The following PLEKHG1 variants were observed in gnomAD, a reference collection of about 807,000 sequenced individuals.
The protein encoded by PLEKHG1 is pleckstrin homology domain-containing family G member 1.
PLEKHG1 carries 44 observed loss-of-function variants against 100.8 expected under a neutral mutation model. The observed-to-expected ratio is 0.44, with a 90% CI of 0.34 to 0.56. The LOEUF (loss-of-function observed/expected upper bound fraction) is 0.56, where lower values mean the gene tolerates loss of function less well. Ranked by LOEUF, PLEKHG1 falls within the 20% of genes least tolerant of loss-of-function variation. PLEKHG1 has a pLI of 0.01. For missense variants in PLEKHG1, 1,545 were observed against 1,720.9 expected (o/e 0.90, Z 1.81); for synonymous variants, 640 against 662.5 (o/e 0.97, Z 0.52).
intron 11 of PLEKHG1, among the ~76,000 whole-genome samples, chr6:150,819,253 A>G (rs901041525): frequency 6.6e-6 from 1 of 151,770 alleles, no homozygotes; most frequent in African/African-American, 2.4e-5. Flanking sequence ...GATCATATCC[A>G]TGTCAGATGA....
intron 2 of PLEKHG1, among the ~76,000 whole-genome samples, chr6:150,751,468 C>T (rs1353945348): frequency 6.6e-6 from 1 of 152,258 alleles, no homozygotes; most frequent in African/African-American, 2.4e-5. Context: ...TGATGACTAG[C>T]GATGGCATCT....
chr6:150,717,105 C>G (rs1451913975), upstream of PLEKHG1, among the ~76,000 whole-genome samples: 1 of 152,238 alleles, frequency 6.6e-6, no homozygotes, highest in Non-Finnish European at 1.5e-5. Flanking sequence ...AGTTTTGGCT[C>G]ACTGCAGCCT....
intron 1 of PLEKHG1, among the ~76,000 whole-genome samples, chr6:150,722,690 C>T (rs982791790): frequency 6.6e-6 from 1 of 152,160 alleles, no homozygotes; most frequent in African/African-American, 2.4e-5. Context: ...TAATGTACTT[C>T]ATGGATTTAT....
intron 4 of PLEKHG1, among the ~76,000 whole-genome samples, chr6:150,788,473 A>G (rs923808807): frequency 1.3e-5 from 2 of 152,208 alleles, no homozygotes; most frequent in African/African-American, 4.8e-5. Context: ...CTGTCGTGGT[A>G]TGTGTAGGTT....
chr6:150,657,364 A>G (rs1016206687), intron 3 of PLEKHG1, among the ~76,000 whole-genome samples: 3 of 152,254 alleles, frequency 2.0e-5, no homozygotes, highest in Admixed American at 6.5e-5. Flanking sequence ...AGGGTACCAA[A>G]GCAGTTAGAA....
rs1317714057 is a variant in PLEKHG1, at chr6:150,830,853, C to T, written c.1742C>T (p.Thr581Ile). 2.5e-6 allele frequency: 4 copies of T among 1,614,214 alleles called. No individual in the cohort carries two copies. In the South Asian group the frequency reaches 4.4e-5, roughly 18 times the overall value. ...TCTACCAGACTATGTGAAGATAGCACTTCTAGTCGCCCTTGCAGCTGGCAT... is the reference window on the plus strand; with the variant it reads ...TCTACCAGACTATGTGAAGATAGCATTTCTAGTCGCCCTTGCAGCTGGCAT... Residue 581 changes from threonine (T) to isoleucine (I), a missense_variant, in exon 15 of 16, where the codon ACT becomes ATT. Transcript: ENST00000358517.
At chr6:150,793,950 C>T (rs769174695) in intron 4 of PLEKHG1, among the ~76,000 whole-genome samples, 17 of 152,064 alleles carry the variant, frequency 1.1e-4, no homozygotes, top group South Asian at 4.1e-4. Context: ...GGCATGGTGA[C>T]GCATGCCTGT....
At position 150,831,677 on chromosome 6, in the gene PLEKHG1, C is replaced by A. The variant is rs146164013; in HGVS notation, c.2566C>A (p.Arg856Ser). ...GAAAAATGAAGACAAGGCCAGAGAC[C>A]GTCTCCTGGCAGCGTTTCCTGTGAG... Residue 856 changes from arginine (R) to serine (S), a missense_variant, in exon 15 of 16, where the codon CGT becomes AGT. Coordinates refer to ENST00000358517, the Ensembl canonical transcript of PLEKHG1. The surrounding 1 kb of genome is among the most constrained non-coding windows in gnomAD (Gnocchi z 4.1). The A allele has an allele frequency of 3.3e-5, 53 of 1,612,744 alleles. No individual in the cohort carries two copies. Among genetic ancestry groups the A allele is most frequent in the Non-Finnish European group, 4.3e-5 (51 of 1,180,016 alleles).
chr6:150,696,830 G>A (rs1231712402), intron 3 of PLEKHG1, among the ~76,000 whole-genome samples: 9 of 152,240 alleles, frequency 5.9e-5, no homozygotes, highest in East Asian at 1.9e-4. Flanking sequence ...CTATAGGGCC[G>A]GGCGCAGTGG....
At chr6:150,769,215 A>C (rs1006979067) in intron 3 of PLEKHG1, among the ~76,000 whole-genome samples, 1 of 152,186 alleles carries the variant, frequency 6.6e-6, no homozygotes, top group Non-Finnish European at 1.5e-5. Flanking sequence ...TGTAGCAGAC[A>C]CTGGGCTAGA....
intron 1 of PLEKHG1, among the ~76,000 whole-genome samples, chr6:150,637,425 T>G (rs904084040): frequency 1.3e-5 from 2 of 151,986 alleles, no homozygotes; most frequent in Non-Finnish European, 2.9e-5. Flanking sequence ...CATGTCATCC[T>G]CTTCCTTAGA....
At chr6:150,754,130 G>T (rs1783685961) in intron 2 of PLEKHG1, among the ~76,000 whole-genome samples, 1 of 152,194 alleles carries the variant, frequency 6.6e-6, no homozygotes, top group Non-Finnish European at 1.5e-5. Context: ...GGACAGGAAG[G>T]GTCAGAGGAG....
intron 2 of PLEKHG1, among the ~76,000 whole-genome samples, chr6:150,748,789 A>AT (rs556195738): frequency 0.026 from 3,953 of 151,298 alleles, 165 homozygotes; most frequent in African/African-American, 0.091. Flanking sequence ...TGCCCGGCTA[A>AT]TTTTTTTTGT....
chr6:150,720,053 A>G (rs202120689), upstream of PLEKHG1, among the ~76,000 whole-genome samples: 24 of 152,322 alleles, frequency 1.6e-4, no homozygotes, highest in South Asian at 3.1e-3. Context: ...TTCCATAACC[A>G]CAAATGAATG....
intron 1 of PLEKHG1, among the ~76,000 whole-genome samples, chr6:150,634,243 TC>T (rs372926333): frequency 3.5e-4 from 32 of 90,324 alleles, no homozygotes; most frequent in Non-Finnish European, 3.9e-4. Flanking sequence ...AAACTCGATC[TC>T]CCCCCCAAAA....
At chr6:150,823,930 T>C (rs910167447) in intron 14 of PLEKHG1, among the ~76,000 whole-genome samples, 9 of 152,224 alleles carry the variant, frequency 5.9e-5, no homozygotes, top group African/African-American at 1.9e-4. Context: ...CTGCCCCATA[T>C]CACACCTCAG....
At chr6:150,819,846 A>C (rs911089835) in intron 12 of PLEKHG1, 72 bp downstream of exon 13, 60 of 870,988 alleles carry the variant, frequency 6.9e-5, no homozygotes, top group Non-Finnish European at 3.6e-5. Context: ...TGAGTCTGAC[A>C]AAAGGGAATG....
At chr6:150,833,679 G>T (rs749355324) in intron 15 of PLEKHG1, among the ~76,000 whole-genome samples, 2 of 152,188 alleles carry the variant, frequency 1.3e-5, no homozygotes, top group Non-Finnish European at 2.9e-5. Context: ...GAGATTTCTG[G>T]CTATAGGCTC....
chr6:150,701,459 AT>A (rs1341707534), intron 3 of PLEKHG1, among the ~76,000 whole-genome samples: 11 of 82,724 alleles, frequency 1.3e-4, no homozygotes, highest in African/African-American at 7.2e-4. Context: ...ATATATATAT[AT>A]ATATATAATT....
Sources: allele counts gnomAD v4.1 joint callset (sites outside exome capture counted in the v4.1 genomes callset), GRCh38; gene constraint gnomAD v4.1.1; non-coding constraint Gnocchi (gnomAD v3.1); transcripts MANE v1.5; gene names NCBI Gene and HGNC (gene_info 2026-07-23, HGNC 2026-07-21).